Variants in FCHO2 observed in about 807,000 individuals in gnomAD.
FCHO2 encodes FCH and mu domain containing endocytic adaptor 2, also known as F-BAR domain only protein 2.
FCHO2 carries 43 observed loss-of-function variants against 114.1 expected under a neutral mutation model. The ratio of observed to expected loss-of-function variants is 0.38; its 90% CI spans 0.30 to 0.49. FCHO2 has a LOEUF of 0.49. FCHO2 is among the 20% of genes least tolerant of loss of function. The probability of loss-of-function intolerance (pLI) is 0.97; values close to 1 mark genes in which losing one functional copy is unlikely to be tolerated. For synonymous variants in FCHO2, 293 were observed against 315.2 expected (o/e 0.93, Z 0.75); for missense variants, 807 against 950.4 (o/e 0.85, Z 1.98).
At chr5:73,018,058 A>G (rs1049212927) in intron 8 of FCHO2, among the ~76,000 whole-genome samples, 1 of 152,166 alleles carries the variant, frequency 6.6e-6, no homozygotes, top group South Asian at 2.1e-4. Context: ...TTCACTCCAT[A>G]AGTAAAAATA....
chr5:73,065,844 A>G (rs1341692234), intron 18 of FCHO2, among the ~76,000 whole-genome samples: 1 of 151,968 alleles, frequency 6.6e-6, no homozygotes, highest in African/African-American at 2.4e-5. Context: ...TTAACTGAGT[A>G]GTGAATATTG....
chr5:72,960,898 A>G (rs1285341394), intron 1 of FCHO2, among the ~76,000 whole-genome samples: 1 of 152,152 alleles, frequency 6.6e-6, no homozygotes, highest in African/African-American at 2.4e-5. Context: ...TATATATCAC[A>G]TTGTAATGAG....
At chr5:73,015,790 T>G (rs1426660097) in intron 7 of FCHO2, 66 bp downstream of exon 7, 1 of 942,186 alleles carries the variant, frequency 1.1e-6, no homozygotes. Context: ...TCTTTAAAAA[T>G]ATTTTCTCAC....
At position 73,082,656 on chromosome 5, in the gene FCHO2, T is replaced by C. The variant is rs913039507; in HGVS notation, c.2181-105T>C. The C allele has an allele frequency of 4.6e-5, 40 of 866,372 alleles. No individual in the cohort carries two copies. In the Admixed American group the frequency reaches 1.0e-3, roughly 23 times the overall value. 53.7% of individuals were successfully genotyped at this position (866,372 alleles called of 1,614,324 possible). On this transcript the variant is annotated intron_variant, in intron 23 of 25. Coordinates refer to ENST00000430046, the MANE Select transcript of FCHO2 (RefSeq NM_138782.3). Reference sequence around the variant, plus strand: ...ATACTACTTAAACTTAGCAATATATTTGTTGTAGTGAAAATATTTAAAATA... The same window carrying C: ...ATACTACTTAAACTTAGCAATATATCTGTTGTAGTGAAAATATTTAAAATA...
At chr5:72,975,457 G>C (rs748622471) in intron 2 of FCHO2, among the ~76,000 whole-genome samples, 1 of 152,124 alleles carries the variant, frequency 6.6e-6, no homozygotes, top group Non-Finnish European at 1.5e-5. Flanking sequence ...CTCCCAAGTA[G>C]CTGGGATTAT....
chr5:72,970,239 A>G (rs1199209705), intron 2 of FCHO2, among the ~76,000 whole-genome samples: 1 of 152,230 alleles, frequency 6.6e-6, no homozygotes, highest in Non-Finnish European at 1.5e-5. Flanking sequence ...TCTAGGCTCT[A>G]TGCTAGGCAT....
At position 73,051,152 on chromosome 5, in the gene FCHO2, T is replaced by C. The variant is rs142481461; in HGVS notation, c.940-197T>C. On this transcript the variant is annotated intron_variant, in intron 11 of 25. Coordinates refer to ENST00000430046, the MANE Select transcript of FCHO2 (RefSeq NM_138782.3). ...TTTTGCAGGTCTTTCCTCTTTCAGG[T>C]AGCCAGAGCATGGAGTGTGATTTGA... 4.9e-4 allele frequency: 207 copies of C among 426,496 alleles called. 3 individuals are homozygous for C. In the South Asian group the frequency reaches 6.6e-3, roughly 14 times the overall value. 26.4% of individuals were successfully genotyped at this position (426,496 alleles called of 1,614,324 possible).
intron 18 of FCHO2, among the ~76,000 whole-genome samples, 195 bp downstream of exon 18, chr5:73,064,139 A>G (rs907572172): frequency 1.2e-4 from 18 of 152,184 alleles, no homozygotes; most frequent in Non-Finnish European, 2.2e-4. Context: ...GAGACACGAC[A>G]TTGTCCAGGA....
intron 1 of FCHO2, among the ~76,000 whole-genome samples, chr5:72,966,801 T>C (rs1752227013): frequency 6.6e-6 from 1 of 152,254 alleles, no homozygotes; most frequent in Admixed American, 6.5e-5. Context: ...ATTTTTCCAT[T>C]TTCACTAAAG....
chr5:73,045,470 G>T (rs890082008), intron 11 of FCHO2, among the ~76,000 whole-genome samples: 1 of 152,162 alleles, frequency 6.6e-6, no homozygotes, highest in African/African-American at 2.4e-5. Context: ...CCCTGTTTTG[G>T]ATGTACTAAA....
chr5:73,010,628 G>A (rs1048378499), intron 6 of FCHO2, among the ~76,000 whole-genome samples: 8 of 152,030 alleles, frequency 5.3e-5, no homozygotes, highest in Non-Finnish European at 8.8e-5. Flanking sequence ...TGTAATCCCA[G>A]CACTTTTGGA....
chr5:73,082,062 T>C, intron 23 of FCHO2, 80 bp downstream of exon 23: 1 of 1,325,214 alleles, frequency 7.5e-7, no homozygotes, highest in Non-Finnish European at 9.9e-7. Context: ...TTCTGTAAGT[T>C]TTCTTAGAAG....
chr5:73,073,394 T>C (rs1297111733), intron 19 of FCHO2, among the ~76,000 whole-genome samples: 1 of 152,138 alleles, frequency 6.6e-6, no homozygotes, highest in African/African-American at 2.4e-5. Context: ...GCCTCATCTT[T>C]GTGTCTTTTT....
intron 2 of FCHO2, among the ~76,000 whole-genome samples, chr5:72,981,336 T>C (rs1002584026): frequency 6.6e-6 from 1 of 152,242 alleles, no homozygotes; most frequent in African/African-American, 2.4e-5. Context: ...TAGGCTTCCC[T>C]TTGTGGGTAA....
At chr5:73,038,612 G>A (rs1015233819) in intron 10 of FCHO2, among the ~76,000 whole-genome samples, 5 of 152,044 alleles carry the variant, frequency 3.3e-5, no homozygotes, top group Non-Finnish European at 7.4e-5. Context: ...GGGTATTCTT[G>A]CTTTCTACCT....
chr5:73,041,287 A>G lies in FCHO2; in HGVS notation c.915-4A>G. The G allele has an allele frequency of 6.8e-7, 1 of 1,478,346 alleles. No individual in the cohort carries two copies. The highest frequency in any genetic ancestry group is 2.3e-5 in the East Asian group (1 of 43,366). 91.6% of individuals were successfully genotyped at this position (1,478,346 alleles called of 1,614,324 possible). A position where few individuals can be genotyped will look rare whatever the true frequency, so the allele number is the denominator to read the frequency against. Reference sequence around the variant, plus strand: ...TGAGTATTTCTGATATTTTGTTTTAATAGGGAATGTCCTGATGCAGATTCA... The same window carrying G: ...TGAGTATTTCTGATATTTTGTTTTAGTAGGGAATGTCCTGATGCAGATTCA... On this transcript the variant is annotated splice_polypyrimidine_tract_variant and splice_region_variant and intron_variant, in intron 10 of 25. Transcript: ENST00000430046.
At chr5:73,019,578 T>C (rs746792669) in intron 8 of FCHO2, among the ~76,000 whole-genome samples, 35 of 152,090 alleles carry the variant, frequency 2.3e-4, no homozygotes, top group Non-Finnish European at 4.4e-5. Flanking sequence ...AACTTCAAGA[T>C]ACGGAGGAAA....
rs1742947663 is a variant in FCHO2, at chr5:73,077,407, C to T, written c.1761C>T (p.Ser587=). 1 of 1,593,278 alleles carries T rather than the reference C, an allele frequency of 6.3e-7. No homozygotes were observed. Among genetic ancestry groups the T allele is most frequent in the African/African-American group, 1.3e-5 (1 of 74,688 alleles). The change falls in exon 21 of 26, where the codon AGC becomes AGT. Residue 587 remains serine (S), a synonymous_variant. Coordinates refer to ENST00000430046, the MANE Select transcript of FCHO2 (RefSeq NM_138782.3). ...FPSGIIKVFT[S]NPTPAVLCFR... The stretch of plus-strand genomic sequence containing the variant: ...GTGGAATTATTAAAGTCTTCACCAG[C>T]AATCCAACTCCAGCTGTGTTGTGCT...
At chr5:72,972,811 C>G (rs1436452251) in intron 2 of FCHO2, among the ~76,000 whole-genome samples, 2 of 152,024 alleles carry the variant, frequency 1.3e-5, no homozygotes, top group Admixed American at 1.3e-4. Context: ...CAGTTTTTGC[C>G]CATTCAGTAT....
Sources: gnomAD v4.1 joint callset for allele counts (sites outside exome capture counted in the v4.1 genomes callset) on GRCh38, gnomAD v4.1.1 for gene constraint, MANE v1.5 for transcripts, NCBI Gene and HGNC (gene_info 2026-07-23, HGNC 2026-07-21) for gene names.